Variants in SMOC1 observed in about 807,000 individuals in gnomAD.
SMOC1 encodes SPARC-related modular calcium-binding protein 1.
SMOC1 carries 22 observed loss-of-function variants against 56.3 expected under a neutral mutation model. That is an observed-to-expected ratio of 0.39 (90% CI 0.28 to 0.56). SMOC1 has a LOEUF of 0.56. Ranked by LOEUF, SMOC1 falls within the 20% of genes least tolerant of loss-of-function variation. The probability of loss-of-function intolerance (pLI) is 0.61; values close to 1 mark genes in which losing one functional copy is unlikely to be tolerated. For missense variants in SMOC1, 509 were observed against 565.4 expected (o/e 0.90, Z 1.01); for synonymous variants, 193 against 215.0 (o/e 0.90, Z 0.89).
chr14:69,885,598 G>A lies in SMOC1; in HGVS notation c.99+5821G>A, dbSNP rs568433545. 2.6e-6 allele frequency: 4 copies of A among 1,530,850 alleles called. No homozygotes were observed. The Admixed American group carries it at 6.8e-5, about 26-fold the overall frequency. The allele number at this position is 1,530,850 out of a possible 1,614,324, so 94.8% of individuals were successfully genotyped here. A position where few individuals can be genotyped will look rare whatever the true frequency, so the allele number is the denominator to read the frequency against. The stretch of plus-strand genomic sequence containing the variant: ...GTCTTGCCTTCCCCTTGATAATGCA[G>A]TAAGGGACCCCCATTTTACGACATA... On this transcript the variant is annotated intron_variant, in intron 1 of 11. Coordinates refer to ENST00000361956, the MANE Select transcript of SMOC1 (RefSeq NM_001034852.3).
rs573441368 is a variant in SMOC1 at position 69,989,899 on chromosome 14, G to T, written c.527-2518G>T. ...AGGTGCCCGGAGATGATGGTTAGAG[G>T]GTGCTGTTCGCTTTGGCTTGGCTTC... is the stretch of plus-strand genomic sequence containing the variant. On this transcript the variant is annotated intron_variant, in intron 5 of 11. Coordinates refer to ENST00000361956, the MANE Select transcript of SMOC1 (RefSeq NM_001034852.3). Among the ~76,000 whole-genome samples the T allele has an allele frequency of 2.3e-3, 343 of 152,304 alleles. 1 individual carries two copies. Among genetic ancestry groups the T allele is most frequent in the African/African-American group, 7.9e-3 (329 of 41,564 alleles).
At position 69,926,704 on chromosome 14, in the gene SMOC1, C is replaced by A. The variant is rs148976515; in HGVS notation, c.100-25434C>A. 4.5e-3 allele frequency among the ~76,000 whole-genome samples: 688 copies of A among 152,296 alleles called. 8 individuals carry two copies. Among genetic ancestry groups the A allele is most frequent in the African/African-American group, 0.016 (648 of 41,560 alleles). The stretch of plus-strand genomic sequence containing the variant: ...CACACTCTCTGCTCCTCACTGGGGC[C>A]CCATCAGGGATGAAGCTTGCTGGCT... On this transcript the variant is annotated intron_variant, in intron 1 of 11. Coordinates refer to ENST00000361956, the MANE Select transcript of SMOC1 (RefSeq NM_001034852.3).
Position 70,013,439 on chromosome 14 carries a change from A to G in SMOC1, c.994A>G (p.Thr332Ala). 1.2e-6 allele frequency: 2 copies of G among 1,614,204 alleles called. No individual in the cohort carries two copies. The highest frequency in any genetic ancestry group is 1.7e-6 in the Non-Finnish European group (2 of 1,180,038). Residue 332 changes from threonine (T) to alanine (A), a missense_variant, in exon 10 of 12, where the codon ACC (threonine) becomes GCC (alanine). Around this residue, in one of 3 missense-constraint regions of SMOC1, gnomAD observed 176 missense variants for 188.1 expected, o/e 0.94. Coordinates refer to ENST00000361956, the MANE Select transcript of SMOC1 (RefSeq NM_001034852.3). ...TATCACCAGCCTACTGGATGCTCTC[A>G]CCACTGACATGGTTCAGGCCATTAA... The part of the protein sequence containing the change: ...EFITSLLDAL[T>A]TDMVQAINSA...
At chr14:69,994,547 T>G (rs1262287890) in intron 7 of SMOC1, 67 bp downstream of exon 7, 12 of 1,264,346 alleles carry the variant, frequency 9.5e-6, no homozygotes, top group African/African-American at 1.5e-5. Context: ...GTTCTGTGAC[T>G]ACTTATTGTG....
intron 7 of SMOC1, among the ~76,000 whole-genome samples, chr14:70,007,809 T>C (rs1885197580): frequency 6.6e-6 from 1 of 152,242 alleles, no homozygotes; most frequent in Non-Finnish European, 1.5e-5. Flanking sequence ...CCTTAGTCTA[T>C]TGCCTGGCAC....
intron 1 of SMOC1, among the ~76,000 whole-genome samples, chr14:69,914,547 C>T (rs1223835848): frequency 6.6e-6 from 1 of 151,804 alleles, no homozygotes; most frequent in African/African-American, 2.4e-5. Context: ...AACACCCACA[C>T]GATCAGAAGT....
At chr14:69,985,964 C>T (rs1461528462) in intron 5 of SMOC1, among the ~76,000 whole-genome samples, 1 of 152,046 alleles carries the variant, frequency 6.6e-6, no homozygotes, top group Non-Finnish European at 1.5e-5. Flanking sequence ...GTATAGGGTT[C>T]GGTTCTATCC....
chr14:69,995,626 A>T (rs1884735411), intron 7 of SMOC1, among the ~76,000 whole-genome samples: 1 of 152,224 alleles, frequency 6.6e-6, no homozygotes, highest in Admixed American at 6.5e-5. Flanking sequence ...AATTCCTTTG[A>T]GCCTCAATTC....
At chr14:69,964,262 T>A (rs1056077601) in intron 3 of SMOC1, among the ~76,000 whole-genome samples, 4 of 150,774 alleles carry the variant, frequency 2.7e-5, no homozygotes, top group African/African-American at 9.7e-5. Context: ...TCTTCTGCAA[T>A]GCAGTGTGCT....
In SMOC1 at chr14:69,963,581, A is replaced by G. The variant is rs536614951; in HGVS notation, c.378+10049A>G. 1.2e-4 allele frequency among the ~76,000 whole-genome samples: 18 copies of G among 152,088 alleles called. No homozygotes were observed. In the South Asian group the frequency reaches 1.7e-3, roughly 14 times the overall value. Reference sequence around the variant, plus strand: ...GCTGGTCCCTCCCGCCCCTCCCCCAATGGCGTATCCTCTGTGGGCATTAAG... The same window carrying G: ...GCTGGTCCCTCCCGCCCCTCCCCCAGTGGCGTATCCTCTGTGGGCATTAAG... On this transcript the variant is annotated intron_variant, in intron 3 of 11. Coordinates refer to ENST00000361956, the MANE Select transcript of SMOC1 (RefSeq NM_001034852.3).
rs1342252940 is a variant in SMOC1 at position 70,023,279 on chromosome 14, A to C, written c.1123A>C (p.Ser375Arg). 1 of 1,614,166 alleles carries C rather than the reference A, an allele frequency of 6.2e-7. No individual in the cohort carries two copies. The highest frequency in any genetic ancestry group is 1.7e-5 in the Admixed American group (1 of 60,024). The change falls in exon 11 of 12, where the codon AGC (serine) becomes CGC (arginine). Residue 375 changes from serine to arginine, a missense_variant. This residue lies in a region of SMOC1 where 176 missense variants were observed against 188.1 expected (regional missense o/e 0.94). Transcript: ENST00000361956. ...GTATTTCAGCCAGCTGGACAGCAATAGCAGCAACGACATTAACAAGCGGGA... is the reference window on the plus strand; with the variant it reads ...GTATTTCAGCCAGCTGGACAGCAATCGCAGCAACGACATTAACAAGCGGGA... The part of the protein sequence containing the change: ...HWYFSQLDSN[S>R]SNDINKREMK...
At chr14:70,013,293 G>A (rs550532346) in intron 9 of SMOC1, 93 bp from the exon 10 acceptor site, 388 of 1,129,052 alleles carry the variant, frequency 3.4e-4, no homozygotes, top group Non-Finnish European at 4.6e-4. Context: ...GACAAGAAGG[G>A]CTTTGAGAAG....
intron 1 of SMOC1, among the ~76,000 whole-genome samples, chr14:69,923,813 G>A (rs369903068): frequency 2.0e-5 from 3 of 152,130 alleles, no homozygotes; most frequent in Non-Finnish European, 4.4e-5. Flanking sequence ...TCAATCCTAC[G>A]TAGGAGGGAG....
chr14:69,965,963 A>T (rs994237650), intron 3 of SMOC1, among the ~76,000 whole-genome samples: 4 of 152,126 alleles, frequency 2.6e-5, no homozygotes, highest in Non-Finnish European at 4.4e-5. Flanking sequence ...ATTTTTTTTC[A>T]TGTCAAAATA....
chr14:69,953,337 G>A, intron 2 of SMOC1, 83 bp from the exon 3 acceptor site: 2 of 1,266,776 alleles, frequency 1.6e-6, no homozygotes, highest in Non-Finnish European at 2.3e-6. Context: ...CGCACAGGTG[G>A]AGTGGTTTTC....
At chr14:69,978,369 C>T (rs2139510277) in intron 5 of SMOC1, among the ~76,000 whole-genome samples, 1 of 152,298 alleles carries the variant, frequency 6.6e-6, no homozygotes, top group East Asian at 1.9e-4. Flanking sequence ...GCATTTTTCC[C>T]CCCTCGCTGA....
intron 1 of SMOC1, among the ~76,000 whole-genome samples, chr14:69,892,536 T>C (rs1883990853): frequency 6.6e-6 from 1 of 152,208 alleles, no homozygotes; most frequent in Non-Finnish European, 1.5e-5. Context: ...TTTTTGTTGT[T>C]ATGAAAACTT....
rs3861682 is a variant in SMOC1, at chr14:69,885,534, C to T, written c.99+5757C>T. ...TCTTCTGAGTTCACCTGTGTGAAGG[C>T]GACAGTGGTGCAGGTCTTCCTGTGG... On this transcript the variant is annotated intron_variant, in intron 1 of 11. Transcript: ENST00000361956. 0.013 allele frequency: 20,084 copies of T among 1,597,672 alleles called. 2,091 individuals are homozygous for T. The African/African-American group carries it at 0.23, about 18-fold the overall frequency.
intron 10 of SMOC1, among the ~76,000 whole-genome samples, chr14:70,019,114 G>A (rs572782039): frequency 7.2e-5 from 11 of 152,230 alleles, no homozygotes; most frequent in Middle Eastern, 3.2e-3. Context: ...AAGCAAAACT[G>A]AAAGTGCTGT....
Sources: gnomAD v4.1 joint callset for allele counts (sites outside exome capture counted in the v4.1 genomes callset) on GRCh38, gnomAD v4.1.1 for gene constraint, gnomAD v4.1.1 regional missense constraint, MANE v1.5 for transcripts, NCBI Gene and HGNC (gene_info 2026-07-23, HGNC 2026-07-21) for gene names.